The following XPO6 variants were observed in gnomAD, a reference collection of about 807,000 sequenced individuals.
XPO6 encodes the protein exportin 6, also known as exportin-6.
Under a neutral mutation model 130.0 loss-of-function variants are expected in XPO6, and 3 were observed. The observed-to-expected ratio is 0.02, with a 90% CI of 0.01 to 0.06. The LOEUF (loss-of-function observed/expected upper bound fraction) is 0.06. Ranked by LOEUF, XPO6 falls within the 10% of genes least tolerant of loss-of-function variation. The pLI is 1.00. For synonymous variants in XPO6, 524 were observed against 548.9 expected (o/e 0.95, Z 0.63); for missense variants, 970 against 1,393.0 (o/e 0.70, Z 4.83).
At chr16:28,122,320 A>C (rs946706986) in intron 13 of XPO6, among the ~76,000 whole-genome samples, 1 of 152,124 alleles carries the variant, frequency 6.6e-6, no homozygotes, top group Non-Finnish European at 1.5e-5. Flanking sequence ...AGGAGAATAA[A>C]AAATAGTTCT....
rs768044976 is a variant in XPO6, at chr16:28,101,710, G to A, written c.3046-22C>T. On this transcript the variant is annotated intron_variant, in intron 22 of 23. Coordinates refer to ENST00000304658, the MANE Select transcript of XPO6 (RefSeq NM_015171.4). The surrounding 1 kb of genome is among the most constrained non-coding windows in gnomAD (Gnocchi z 5.4). Reference sequence around the variant, plus strand: ...TCTTCTGCAGGCAGAGAGACCAGGTGAGCAGCAGCCAGCCCCCAGGGGCCT... The same window carrying A: ...TCTTCTGCAGGCAGAGAGACCAGGTAAGCAGCAGCCAGCCCCCAGGGGCCT... The A allele has an allele frequency of 6.9e-6, 11 of 1,598,582 alleles. No homozygotes were observed. In the South Asian group the frequency reaches 1.1e-4, roughly 16 times the overall value.
At chr16:28,099,963 T>A (rs761437542) in intron 23 of XPO6, among the ~76,000 whole-genome samples, 4 of 152,150 alleles carry the variant, frequency 2.6e-5, no homozygotes, top group Non-Finnish European at 4.4e-5. Flanking sequence ...CCATTTTTAA[T>A]AAGTACCCCA....
At position 28,132,359 on chromosome 16, in the gene XPO6, T is replaced by C. The variant is rs745902967; in HGVS notation, c.1581A>G (p.Gln527=). ...CTGACCCTGAAGTGACTATAAACTG[T>C]TGTAATCCCAAATAAACTTCTAAAT... ...QDNLEVYLGL[Q]QFIVTSGSGH... Residue 527 remains glutamine (Q), a synonymous_variant, in exon 12 of 24, where the codon CAA becomes CAG. Transcript: ENST00000304658. The surrounding 1 kb of genome is among the most constrained non-coding windows in gnomAD (Gnocchi z 4.0). 3 of 1,608,860 alleles carry C rather than the reference T, an allele frequency of 1.9e-6. No individual in the cohort carries two copies. The highest frequency in any genetic ancestry group is 2.2e-5 in the South Asian group (2 of 89,594).
chr16:28,130,655 G>A (rs1188950989), intron 12 of XPO6, among the ~76,000 whole-genome samples: 1 of 152,186 alleles, frequency 6.6e-6, no homozygotes, highest in Non-Finnish European at 1.5e-5. Context: ...CAGTGCTGAG[G>A]ATGAGATTTA....
At chr16:28,156,973 AT>A (rs1285630240) in intron 6 of XPO6, among the ~76,000 whole-genome samples, 1 of 152,248 alleles carries the variant, frequency 6.6e-6, no homozygotes, top group Admixed American at 6.5e-5. Context: ...AAATAAACAA[AT>A]AAAAATCCCT....
chr16:28,141,416 A>G (rs1263802025), intron 9 of XPO6, among the ~76,000 whole-genome samples: 3 of 152,184 alleles, frequency 2.0e-5, no homozygotes, highest in African/African-American at 7.2e-5. Context: ...ACCAATGCTT[A>G]TTTGCTGAGC....
intron 8 of XPO6, among the ~76,000 whole-genome samples, chr16:28,146,559 T>C (rs1352341208): frequency 1.3e-5 from 2 of 152,228 alleles, no homozygotes; most frequent in South Asian, 2.1e-4. Context: ...TTCAGAGATA[T>C]AAGTTGTTCA....
At chr16:28,154,255 TAAAAAAAA>T in intron 7 of XPO6, 8 of 811,908 alleles carry the variant, frequency 9.9e-6, no homozygotes, top group South Asian at 1.3e-4. Flanking sequence ...ACTACCCATT[TAAAAAAAA>T]AAAAAAAAAA....
intron 1 of XPO6, among the ~76,000 whole-genome samples, chr16:28,197,875 C>T (rs1448289767): frequency 2.1e-5 from 3 of 141,738 alleles, no homozygotes; most frequent in Non-Finnish European, 3.0e-5. Context: ...GCCAAGATCA[C>T]GCCACCGCAC....
chr16:28,099,041 T>C (rs2086594410), intron 23 of XPO6, among the ~76,000 whole-genome samples: 1 of 152,098 alleles, frequency 6.6e-6, no homozygotes, highest in African/African-American at 2.4e-5. Flanking sequence ...GTCCGGCCCC[T>C]CAAACGCAGA....
intron 17 of XPO6, among the ~76,000 whole-genome samples, chr16:28,109,244 A>T (rs1239539759): frequency 6.6e-6 from 1 of 152,150 alleles, no homozygotes; most frequent in Non-Finnish European, 1.5e-5. Flanking sequence ...GGGGTGGGTA[A>T]CTGTTATACT....
chr16:28,127,122 G>A (rs944169961), intron 12 of XPO6, among the ~76,000 whole-genome samples: 7 of 152,174 alleles, frequency 4.6e-5, no homozygotes, highest in Admixed American at 3.9e-4. Flanking sequence ...AGACTCTCCA[G>A]TATCAACTCA....
intron 18 of XPO6, 89 bp downstream of exon 18, chr16:28,107,433 C>A: frequency 6.8e-7 from 1 of 1,477,928 alleles, no homozygotes; most frequent in South Asian, 1.2e-5. Flanking sequence ...GCCTGTACTG[C>A]ACCGACTCAG....
chr16:28,144,199 T>C (rs10521144), intron 9 of XPO6, among the ~76,000 whole-genome samples: 1 of 152,160 alleles, frequency 6.6e-6, no homozygotes, highest in South Asian at 2.1e-4. Context: ...TGTAATACGA[T>C]TTCTGATATA....
chr16:28,167,114 G>C, intron 5 of XPO6: 2 of 982,218 alleles, frequency 2.0e-6, no homozygotes, highest in Non-Finnish European at 2.4e-6. Context: ...CCACTGCTAT[G>C]GCTTCAATAT....
chr16:28,117,157 G>A, intron 15 of XPO6, 161 bp downstream of exon 15: 1 of 938,766 alleles, frequency 1.1e-6, no homozygotes, highest in Non-Finnish European at 1.6e-6. Flanking sequence ...ATGCATGTAG[G>A]CTACAACTAA....
intron 9 of XPO6, among the ~76,000 whole-genome samples, chr16:28,144,600 T>A (rs756893781): frequency 6.6e-6 from 1 of 152,172 alleles, no homozygotes; most frequent in Admixed American, 6.5e-5. Flanking sequence ...TTTAAACTCA[T>A]AAAACCTCAG....
chr16:28,165,627 C>A (rs554959216), intron 6 of XPO6, among the ~76,000 whole-genome samples: 1 of 152,224 alleles, frequency 6.6e-6, no homozygotes, highest in South Asian at 2.1e-4. Flanking sequence ...TCAGCTTCCA[C>A]ATACTAACAA....
At chr16:28,156,050 C>A in intron 7 of XPO6, 24 bp downstream of exon 7, 1 of 1,571,428 alleles carries the variant, frequency 6.4e-7, no homozygotes, top group Non-Finnish European at 8.6e-7. Context: ...TGGGGCACAC[C>A]AGCTCCACAC....
Sources: allele counts gnomAD v4.1 joint callset (sites outside exome capture counted in the v4.1 genomes callset), GRCh38; gene constraint gnomAD v4.1.1; non-coding constraint Gnocchi (gnomAD v3.1); transcripts MANE v1.5; gene names NCBI Gene and HGNC (gene_info 2026-07-23, HGNC 2026-07-21).